The following H3C2 variants were observed in gnomAD, a reference collection of about 807,000 sequenced individuals.
The protein encoded by H3C2 is H3 clustered histone 2, also known as histone H3.1.
Under a neutral mutation model 8.7 loss-of-function variants are expected in H3C2, and 13 were observed. The ratio of observed to expected loss-of-function variants is 1.49; its 90% CI spans 0.97 to 2.37. The LOEUF (loss-of-function observed/expected upper bound fraction) is 2.37, where lower values mean the gene tolerates loss of function less well. H3C2 is among the 30% of genes most tolerant of loss of function. The pLI is 0.00. For missense variants in H3C2, 144 were observed against 190.4 expected, an observed-to-expected ratio of 0.76 and a Z score of 1.44; for synonymous variants, 166 against 77.6, an observed-to-expected ratio of 2.14 and a Z score of -5.99.
At position 26,032,022 on chromosome 6, in the gene H3C2, G is replaced by A. The variant is rs145803209; in HGVS notation, c.39C>T (p.Gly13=). ...CCAGCTGCTTGCGTGGCGCTTTACCGCCGGTGGATTTCCGAGCTGTCTGTT... is the reference window on the plus strand; with the variant it reads ...CCAGCTGCTTGCGTGGCGCTTTACCACCGGTGGATTTCCGAGCTGTCTGTT... ...RTKQTARKST[G]GKAPRKQLAT... Residue 13 remains glycine, a synonymous_variant, in exon 1 of 1, where the codon GGC becomes GGT. Coordinates refer to ENST00000621411, the MANE Select transcript of H3C2 (RefSeq NM_003537.4). The A allele has an allele frequency of 6.6e-5, 106 of 1,613,586 alleles. 3 individuals carry two copies. The African/African-American group carries it at 9.3e-4, about 14-fold the overall frequency.
rs2113677873 is a variant in H3C2 at position 26,031,738 on chromosome 6, G to A, written c.323C>T (p.Thr108Ile). Residue 108 changes from threonine to isoleucine, a missense_variant, in exon 1 of 1, where the codon ACA becomes ATA. By Grantham distance (89) the Thr-to-Ile change is moderately conservative (BLOSUM62 -1). Coordinates refer to ENST00000621411, the MANE Select transcript of H3C2 (RefSeq NM_003537.4). ...EAYLVGLFEDTNLCAIHAKRV... is the reference protein window; with the variant it reads ...EAYLVGLFEDINLCAIHAKRV... ...CTTAGCATGGATGGCGCAAAGGTTTGTGTCCTCAAAGAGCCCTACCAAGTA... is the reference window on the plus strand; with the variant it reads ...CTTAGCATGGATGGCGCAAAGGTTTATGTCCTCAAAGAGCCCTACCAAGTA... 1 of 1,614,264 alleles carries A rather than the reference G, an allele frequency of 6.2e-7. No homozygotes were observed. The highest frequency in any genetic ancestry group is 8.5e-7 in the Non-Finnish European group (1 of 1,180,038).
At position 26,032,068 on chromosome 6, in the gene H3C2, C is replaced by G. The variant is rs763033809; in HGVS notation, c.-8G>C. 6.2e-7 allele frequency: 1 copy of G among 1,602,658 alleles called. No homozygotes were observed. The highest frequency in any genetic ancestry group is 1.1e-5 in the South Asian group (1 of 89,844). On this transcript the variant is annotated 5_prime_UTR_variant, in exon 1 of 1. Transcript: ENST00000621411. ...CTGTTTAGTACGAGCCATGGCAAAA[C>G]CACAGAAAAGCTTGCCTGCAGAGAC... is the stretch of plus-strand genomic sequence containing the variant.
Position 26,031,980 on chromosome 6 carries a change from G to T in H3C2, c.81C>A (p.Arg27=). 6.2e-7 allele frequency: 1 copy of T among 1,614,164 alleles called. No homozygotes were observed. ...PRKQLATKAA[R]KSAPATGGVK... ...CGCCGCCGGTAGCCGGCGCGCTCTT[G>T]CGAGCAGCCTTGGTAGCCAGCTGCT... Residue 27 remains arginine (R), a synonymous_variant, in exon 1 of 1, where the codon CGC becomes CGA. Coordinates refer to ENST00000621411, the MANE Select transcript of H3C2 (RefSeq NM_003537.4).
chr6:26,032,065 A>C lies in H3C2; in HGVS notation c.-5T>G, dbSNP rs201191911. The C allele has an allele frequency of 3.1e-5, 50 of 1,602,956 alleles. No homozygotes were observed. The Admixed American group carries it at 7.7e-4, about 25-fold the overall frequency. ...TGTCTGTTTAGTACGAGCCATGGCAAAACCACAGAAAAGCTTGCCTGCAGA... is the reference window on the plus strand; with the variant it reads ...TGTCTGTTTAGTACGAGCCATGGCACAACCACAGAAAAGCTTGCCTGCAGA... On this transcript the variant is annotated 5_prime_UTR_variant, in exon 1 of 1. Coordinates refer to ENST00000621411, the MANE Select transcript of H3C2 (RefSeq NM_003537.4).
In H3C2 at chr6:26,032,067, A is replaced by C. The variant is rs1581634040; in HGVS notation, c.-7T>G. 11 of 1,602,796 alleles carry C rather than the reference A, an allele frequency of 6.9e-6. No homozygotes were observed. The highest frequency in any genetic ancestry group is 8.5e-6 in the Non-Finnish European group (10 of 1,177,692). On this transcript the variant is annotated 5_prime_UTR_variant, in exon 1 of 1. Coordinates refer to ENST00000621411, the MANE Select transcript of H3C2 (RefSeq NM_003537.4). ...TCTGTTTAGTACGAGCCATGGCAAA[A>C]CCACAGAAAAGCTTGCCTGCAGAGA...
At position 26,032,085 on chromosome 6, in the gene H3C2, T is replaced by G; in HGVS notation, c.-25A>C. 6 of 1,591,178 alleles carry G rather than the reference T, an allele frequency of 3.8e-6. No individual in the cohort carries two copies. Among genetic ancestry groups the G allele is most frequent in the Non-Finnish European group, 5.1e-6 (6 of 1,173,646 alleles). On this transcript the variant is annotated 5_prime_UTR_variant, in exon 1 of 1. Coordinates refer to ENST00000621411, the MANE Select transcript of H3C2 (RefSeq NM_003537.4). ...TGGCAAAACCACAGAAAAGCTTGCC[T>G]GCAGAGACGTCTGTGGAGGAAAGGA...
rs199651736 is a variant in H3C2 at position 26,031,947 on chromosome 6, C to T, written c.114G>A (p.Lys38=). The T allele has an allele frequency of 8.4e-5, 135 of 1,614,186 alleles. No individual in the cohort carries two copies. In the Admixed American group the frequency reaches 1.5e-3, roughly 18 times the overall value. ...KSAPATGGVK[K]PHRYRPGTVA... ...CAGTGCCCGGGCGGTAACGGTGAGG[C>T]TTTTTCACGCCGCCGGTAGCCGGCG... The change falls in exon 1 of 1, where the codon AAG becomes AAA. Residue 38 remains lysine (K), a synonymous_variant. Coordinates refer to ENST00000621411, the MANE Select transcript of H3C2 (RefSeq NM_003537.4).
In H3C2 at chr6:26,031,907, T is replaced by C. The variant is rs2113678578; in HGVS notation, c.154A>G (p.Ile52Val). Residue 52 changes from isoleucine (I) to valine (V), a missense_variant, in exon 1 of 1, where the codon ATC becomes GTC. Physicochemically the swap from Ile to Val is conservative, Grantham distance 29. Transcript: ENST00000621411. ...TCGGTCGACTTTTGGTAGCGGCGGA[T>C]CTCGCGCAGAGCCACAGTGCCCGGG... ...YRPGTVALRE[I>V]RRYQKSTELL... is the part of the protein sequence containing the mutation. 6.2e-7 allele frequency: 1 copy of C among 1,614,218 alleles called. No homozygotes were observed. The highest frequency in any genetic ancestry group is 8.5e-7 in the Non-Finnish European group (1 of 1,180,038).
In H3C2 at chr6:26,031,734, G is replaced by A. The variant is rs34966100; in HGVS notation, c.327C>T (p.Asn109=). The A allele has an allele frequency of 9.3e-3, 15,091 of 1,614,190 alleles. 416 individuals carry two copies. The African/African-American group carries it at 0.096, about 10-fold the overall frequency. ...CTCGCTTAGCATGGATGGCGCAAAG[G>A]TTTGTGTCCTCAAAGAGCCCTACCA... ...AYLVGLFEDT[N]LCAIHAKRVT... is the part of the protein sequence containing the mutation. Residue 109 remains asparagine, a synonymous_variant, in exon 1 of 1, where the codon AAC becomes AAT. Transcript: ENST00000621411.
Position 26,032,043 on chromosome 6 carries a change from C to T in H3C2, c.18G>A (p.Gln6=), listed in dbSNP as rs1278314228. Residue 6 remains glutamine (Q), a synonymous_variant, in exon 1 of 1, where the codon CAG becomes CAA. Transcript: ENST00000621411. The part of the protein sequence containing the change: MARTK[Q]TARKSTGGKA... ...TACCGCCGGTGGATTTCCGAGCTGT[C>T]TGTTTAGTACGAGCCATGGCAAAAC... 6.2e-7 allele frequency: 1 copy of T among 1,612,560 alleles called. No homozygotes were observed. Among genetic ancestry groups the T allele is most frequent in the African/African-American group, 1.3e-5 (1 of 74,994 alleles).
At position 26,031,764 on chromosome 6, in the gene H3C2, G is replaced by A. The variant is rs750427768; in HGVS notation, c.297C>T (p.Ala99=). The A allele has an allele frequency of 1.9e-6, 3 of 1,614,264 alleles. No individual in the cohort carries two copies. Among genetic ancestry groups the A allele is most frequent in the East Asian group, 4.5e-5 (2 of 44,886 alleles). The change falls in exon 1 of 1, where the codon GCC becomes GCT. Residue 99 remains alanine (A), a synonymous_variant. Coordinates refer to ENST00000621411, the MANE Select transcript of H3C2 (RefSeq NM_003537.4). ...TGTCCTCAAAGAGCCCTACCAAGTA[G>A]GCCTCACAAGCCTCCTGCAGCGCCA... ...AVMALQEACE[A]YLVGLFEDTN... is the part of the protein sequence containing the mutation.
Position 26,031,642 on chromosome 6 carries a change from C to T in H3C2, c.*8G>A, listed in dbSNP as rs368340347. 7.4e-6 allele frequency: 12 copies of T among 1,611,434 alleles called. No homozygotes were observed. Among genetic ancestry groups the T allele is most frequent in the Non-Finnish European group, 6.8e-6 (8 of 1,179,386 alleles). ...GGTTTTAAGACTGATGAAAAAGTGA[C>T]TTTACATTTACGCTCTTTCTCCGCG... On this transcript the variant is annotated 3_prime_UTR_variant, in exon 1 of 1. Coordinates refer to ENST00000621411, the MANE Select transcript of H3C2 (RefSeq NM_003537.4).
Position 26,032,004 on chromosome 6 carries a change from C to T in H3C2, c.57G>A (p.Lys19=), listed in dbSNP as rs140525161. ...RKSTGGKAPR[K]QLATKAARKS... ...TGCGAGCAGCCTTGGTAGCCAGCTG[C>T]TTGCGTGGCGCTTTACCGCCGGTGG... The change falls in exon 1 of 1, where the codon AAG becomes AAA. Residue 19 remains lysine, a synonymous_variant. Transcript: ENST00000621411. 944 of 1,613,824 alleles carry T rather than the reference C, an allele frequency of 5.8e-4. 4 individuals are homozygous for T. The highest frequency in any genetic ancestry group is 5.1e-4 in the Non-Finnish European group (599 of 1,180,034).
In H3C2 at chr6:26,031,790, T is replaced by G. The variant is rs1206239328; in HGVS notation, c.271A>C (p.Met91Leu). 2.5e-6 allele frequency: 4 copies of G among 1,614,244 alleles called. No individual in the cohort carries two copies. Among genetic ancestry groups the G allele is most frequent in the Non-Finnish European group, 3.4e-6 (4 of 1,180,042 alleles). ...TDLRFQSSAV[M>L]ALQEACEAYL... is the part of the protein sequence containing the mutation. ...GCCTCACAAGCCTCCTGCAGCGCCA[T>G]CACCGCAGAGCTCTGGAAGCGAAGA... The change falls in exon 1 of 1, where the codon ATG becomes CTG. Residue 91 changes from methionine (M) to leucine (L), a missense_variant. Coordinates refer to ENST00000621411, the MANE Select transcript of H3C2 (RefSeq NM_003537.4).
chr6:26,031,610 GCCT>G lies in H3C2; in HGVS notation c.*37_*39del. ...GAATAAGTGGGTGGCTCTGAAAAGA[GCCT>G]TTGGGTTTTAAGACTGATGAAAAAG... On this transcript the variant is annotated 3_prime_UTR_variant, in exon 1 of 1. Coordinates refer to ENST00000621411, the MANE Select transcript of H3C2 (RefSeq NM_003537.4). The G allele has an allele frequency of 6.3e-7, 1 of 1,592,432 alleles. No homozygotes were observed. Among genetic ancestry groups the G allele is most frequent in the Non-Finnish European group, 8.5e-7 (1 of 1,169,912 alleles).
chr6:26,032,079 C>G lies in H3C2; in HGVS notation c.-19G>C, dbSNP rs553151143. On this transcript the variant is annotated 5_prime_UTR_variant, in exon 1 of 1. Coordinates refer to ENST00000621411, the MANE Select transcript of H3C2 (RefSeq NM_003537.4). ...GAGCCATGGCAAAACCACAGAAAAG[C>G]TTGCCTGCAGAGACGTCTGTGGAGG... is the stretch of plus-strand genomic sequence containing the variant. The G allele has an allele frequency of 6.9e-6, 11 of 1,598,710 alleles. No individual in the cohort carries two copies. Among genetic ancestry groups the G allele is most frequent in the African/African-American group, 5.4e-5 (4 of 74,160 alleles).
In H3C2 at chr6:26,031,941, G is replaced by A. The variant is rs772868494; in HGVS notation, c.120C>T (p.His40=). Residue 40 remains histidine (H), a synonymous_variant, in exon 1 of 1, where the codon CAC becomes CAT. Transcript: ENST00000621411. ...APATGGVKKP[H]RYRPGTVALR... ...GAGCCACAGTGCCCGGGCGGTAACG[G>A]TGAGGCTTTTTCACGCCGCCGGTAG... 7.4e-6 allele frequency: 12 copies of A among 1,614,120 alleles called. 1 individual carries two copies. Among genetic ancestry groups the A allele is most frequent in the African/African-American group, 5.3e-5 (4 of 74,948 alleles).
In H3C2 at chr6:26,032,017, T is replaced by G; in HGVS notation, c.44A>C (p.Lys15Thr). 6.2e-7 allele frequency: 1 copy of G among 1,613,710 alleles called. No homozygotes were observed. Among genetic ancestry groups the G allele is most frequent in the Non-Finnish European group, 8.5e-7 (1 of 1,179,996 alleles). The change falls in exon 1 of 1, where the codon AAA (lysine) becomes ACA (threonine). Residue 15 changes from lysine to threonine, a missense_variant. By Grantham distance (78) the Lys-to-Thr change is moderately conservative. Coordinates refer to ENST00000621411, the MANE Select transcript of H3C2 (RefSeq NM_003537.4). Reference sequence around the variant, plus strand: ...GGTAGCCAGCTGCTTGCGTGGCGCTTTACCGCCGGTGGATTTCCGAGCTGT... The same window carrying G: ...GGTAGCCAGCTGCTTGCGTGGCGCTGTACCGCCGGTGGATTTCCGAGCTGT... ...KQTARKSTGG[K>T]APRKQLATKA...
rs758277799 is a variant in H3C2, at chr6:26,031,968, C to G, written c.93G>C (p.Pro31=). Residue 31 remains proline, a synonymous_variant, in exon 1 of 1, where the codon CCG becomes CCC. Coordinates refer to ENST00000621411, the MANE Select transcript of H3C2 (RefSeq NM_003537.4). The part of the protein sequence containing the change: ...LATKAARKSA[P]ATGGVKKPHR... ...GAGGCTTTTTCACGCCGCCGGTAGC[C>G]GGCGCGCTCTTGCGAGCAGCCTTGG... The G allele has an allele frequency of 6.2e-7, 1 of 1,614,202 alleles. No individual in the cohort carries two copies. The highest frequency in any genetic ancestry group is 8.5e-7 in the Non-Finnish European group (1 of 1,180,046).
Sources: gnomAD v4.1 joint callset for allele counts on GRCh38, gnomAD v4.1.1 for gene constraint, MANE v1.5 for transcripts, NCBI Gene and HGNC (gene_info 2026-07-23, HGNC 2026-07-21) for gene names.